Variants in DNAJC1 observed in about 807,000 individuals in gnomAD.
DNAJC1 encodes the protein DnaJ heat shock protein family (Hsp40) member C1.
A neutral mutation model predicts 76.6 loss-of-function variants in DNAJC1; 58 were observed. The ratio of observed to expected loss-of-function variants is 0.76; its 90% CI spans 0.61 to 0.94. The LOEUF is 0.94. Ranked by LOEUF, DNAJC1 falls within the 40% of genes least tolerant of loss-of-function variation. The probability of loss-of-function intolerance (pLI) is 0.00; values close to 1 mark genes in which losing one functional copy is unlikely to be tolerated. For synonymous variants in DNAJC1, 258 were observed against 267.9 expected, an observed-to-expected ratio of 0.96 and a Z score of 0.36; for missense variants, 689 against 677.3, an observed-to-expected ratio of 1.02 and a Z score of -0.19.
chr10:21,893,759 C>A (rs1836493538), intron 7 of DNAJC1, among the ~76,000 whole-genome samples: 1 of 151,236 alleles, frequency 6.6e-6, no homozygotes, highest in South Asian at 2.1e-4. Flanking sequence ...ACTTCCATGT[C>A]AAGAAATTAT....
At chr10:21,934,681 C>T (rs576258467) in intron 1 of DNAJC1, among the ~76,000 whole-genome samples, 9 of 152,112 alleles carry the variant, frequency 5.9e-5, no homozygotes, top group Non-Finnish European at 1.0e-4. Context: ...AGGTTTGTAG[C>T]CCAGGAGCAA....
At chr10:21,777,515 G>A (rs1834467045) in intron 9 of DNAJC1, among the ~76,000 whole-genome samples, 1 of 152,134 alleles carries the variant, frequency 6.6e-6, no homozygotes, top group African/African-American at 2.4e-5. Context: ...CACATAAACT[G>A]GCCAGTGTCT....
intron 9 of DNAJC1, among the ~76,000 whole-genome samples, chr10:21,782,867 C>T (rs895386503): frequency 6.6e-6 from 1 of 152,204 alleles, no homozygotes; most frequent in Non-Finnish European, 1.5e-5. Context: ...ATGCTAAAAA[C>T]TCTCAATAAA....
At chr10:21,925,597 T>G (rs958681618) in intron 3 of DNAJC1, among the ~76,000 whole-genome samples, 4 of 152,308 alleles carry the variant, frequency 2.6e-5, no homozygotes, top group African/African-American at 4.8e-5. Context: ...TGGAATACTG[T>G]TCAGCAATAG....
At chr10:21,824,825 G>A (rs1835220723) in intron 8 of DNAJC1, among the ~76,000 whole-genome samples, 1 of 152,130 alleles carries the variant, frequency 6.6e-6, no homozygotes, top group Non-Finnish European at 1.5e-5. Flanking sequence ...CCAGGCTGGA[G>A]TGCAGTGGTG....
At chr10:21,764,290 A>G (rs1379125146) in intron 10 of DNAJC1, among the ~76,000 whole-genome samples, 3 of 152,220 alleles carry the variant, frequency 2.0e-5, no homozygotes, top group African/African-American at 7.2e-5. Context: ...TAAAAATATT[A>G]TATGCACATA....
intron 9 of DNAJC1, among the ~76,000 whole-genome samples, chr10:21,776,794 T>TA (rs1462388573): frequency 6.6e-6 from 1 of 152,216 alleles, no homozygotes; most frequent in Non-Finnish European, 1.5e-5. Flanking sequence ...ATTACCTCTA[T>TA]AAGCAATGCG....
chr10:21,779,409 C>T (rs755380885), intron 9 of DNAJC1, among the ~76,000 whole-genome samples: 5 of 152,166 alleles, frequency 3.3e-5, no homozygotes, highest in African/African-American at 7.2e-5. Context: ...TCCAGAGGAA[C>T]GATCAGGCAG....
chr10:21,832,430 T>C (rs1238202173), intron 8 of DNAJC1, among the ~76,000 whole-genome samples: 2 of 152,224 alleles, frequency 1.3e-5, no homozygotes, highest in Non-Finnish European at 2.9e-5. Flanking sequence ...TCCTGATGTA[T>C]GTCCCATTTG....
intron 8 of DNAJC1, among the ~76,000 whole-genome samples, chr10:21,808,462 G>T (rs1834916889): frequency 6.6e-6 from 1 of 152,048 alleles, no homozygotes; most frequent in Non-Finnish European, 1.5e-5. Flanking sequence ...AAGTTTCATA[G>T]TTATTTTATG....
rs548714628 is a variant in DNAJC1, at chr10:21,908,738, G to T, written c.730-4126C>A. On this transcript the variant is annotated intron_variant, in intron 6 of 11. Coordinates refer to ENST00000376980, the MANE Select transcript of DNAJC1 (RefSeq NM_022365.4). ...AATTGATTAGGGCTCTGAACTGCCT[G>T]CCTCATAATACTGTATTAAAATTAT... 5.3e-5 allele frequency among the ~76,000 whole-genome samples: 8 copies of T among 152,118 alleles called. No individual in the cohort carries two copies. In the South Asian group the frequency reaches 1.7e-3, roughly 32 times the overall value.
At chr10:21,867,793 C>T (rs887521090) in intron 8 of DNAJC1, among the ~76,000 whole-genome samples, 3 of 151,890 alleles carry the variant, frequency 2.0e-5, no homozygotes, top group Non-Finnish European at 4.4e-5. Flanking sequence ...GGTGACAGGC[C>T]GGGTGCCGTA....
chr10:21,775,492 C>T (rs1834443110), intron 9 of DNAJC1, among the ~76,000 whole-genome samples: 3 of 152,030 alleles, frequency 2.0e-5, no homozygotes, highest in South Asian at 2.1e-4. Flanking sequence ...AAAGAAGTTT[C>T]CTAATAAGTA....
chr10:21,875,089 C>T (rs1429979506), intron 8 of DNAJC1, among the ~76,000 whole-genome samples: 1 of 152,148 alleles, frequency 6.6e-6, no homozygotes, highest in African/African-American at 2.4e-5. Flanking sequence ...CCATGTTGGC[C>T]AGGCTGGTCT....
intron 8 of DNAJC1, among the ~76,000 whole-genome samples, chr10:21,881,844 TAAAAAAAAAAAAAAA>T (rs1002377641): frequency 6.5e-4 from 36 of 55,414 alleles, no homozygotes; most frequent in African/African-American, 2.3e-3. Context: ...CCTCAATTTG[TAAAAAAAAAAAAAAA>T]AAAAAAAAAA....
intron 7 of DNAJC1, among the ~76,000 whole-genome samples, chr10:21,886,670 T>A (rs1283893085): frequency 6.6e-6 from 1 of 152,138 alleles, no homozygotes; most frequent in Non-Finnish European, 1.5e-5. Context: ...TGGTACAACA[T>A]AAGCAAATTA....
At position 21,780,681 on chromosome 10, in the gene DNAJC1, C is replaced by T. The variant is rs532853677; in HGVS notation, c.1099-14372G>A. ...GACCATTGATGCTAGGAAGAAACTG[C>T]ATCAACTAACGAGCAAAATAACCAA... On this transcript the variant is annotated intron_variant, in intron 9 of 11. Transcript: ENST00000376980. Among the ~76,000 whole-genome samples the T allele has an allele frequency of 4.6e-5, 7 of 152,314 alleles. No homozygotes were observed. The East Asian group carries it at 1.3e-3, about 29-fold the overall frequency.
At chr10:21,834,219 G>A (rs1028297443) in intron 8 of DNAJC1, among the ~76,000 whole-genome samples, 10 of 152,032 alleles carry the variant, frequency 6.6e-5, no homozygotes, top group East Asian at 5.8e-4. Flanking sequence ...AGCTGAGATC[G>A]TGCCACTGCA....
At chr10:21,868,155 G>A (rs1488195712) in intron 8 of DNAJC1, among the ~76,000 whole-genome samples, 14 of 120,768 alleles carry the variant, frequency 1.2e-4, no homozygotes, top group African/African-American at 1.9e-4. Context: ...ACGGAGTTTC[G>A]CTCTTGTTGC....
Sources: gnomAD v4.1 joint callset for allele counts (sites outside exome capture counted in the v4.1 genomes callset) on GRCh38, gnomAD v4.1.1 for gene constraint, MANE v1.5 for transcripts, NCBI Gene and HGNC (gene_info 2026-07-23, HGNC 2026-07-21) for gene names.